GOLM2: variants seen among roughly 807,000 people sequenced by gnomAD.
The protein encoded by GOLM2 is protein GOLM2.
A neutral mutation model predicts 55.9 loss-of-function variants in GOLM2; 26 were observed. The observed-to-expected ratio is 0.47, with a 90% CI of 0.34 to 0.65. The LOEUF (loss-of-function observed/expected upper bound fraction) is 0.65. GOLM2 is among the 30% of genes least tolerant of loss of function. The probability of loss-of-function intolerance (pLI) is 0.01; values close to 1 mark genes in which losing one functional copy is unlikely to be tolerated. For missense variants in GOLM2, 486 were observed against 531.8 expected, an observed-to-expected ratio of 0.91 and a Z score of 0.85; for synonymous variants, 165 against 194.6, an observed-to-expected ratio of 0.85 and a Z score of 1.27.
chr15:44,370,618 G>A (rs144776064), intron 6 of GOLM2, among the ~76,000 whole-genome samples: 114 of 152,196 alleles, frequency 7.5e-4, no homozygotes, highest in African/African-American at 2.4e-3. Context: ...TCTGAATACC[G>A]AAGATGGTTG....
chr15:44,391,441 C>A (rs536120435), intron 8 of GOLM2, among the ~76,000 whole-genome samples: 2 of 151,168 alleles, frequency 1.3e-5, no homozygotes, highest in African/African-American at 4.9e-5. Context: ...GGCGTGAACC[C>A]GGGAGGTGGA....
intron 5 of GOLM2, 95 bp downstream of exon 5, chr15:44,338,002 T>C: frequency 7.8e-7 from 1 of 1,274,602 alleles, no homozygotes; most frequent in East Asian, 2.5e-5. Flanking sequence ...AAGAAAATTG[T>C]TTGATTTTAG....
intron 6 of GOLM2, among the ~76,000 whole-genome samples, chr15:44,345,386 G>A (rs982475064): frequency 6.6e-5 from 10 of 152,018 alleles, no homozygotes; most frequent in African/African-American, 2.4e-4. Flanking sequence ...CAGCCTCTGA[G>A]TAGCTGGGAC....
intron 2 of GOLM2, among the ~76,000 whole-genome samples, chr15:44,326,263 C>CAAA (rs569803247): frequency 3.3e-5 from 2 of 59,746 alleles, no homozygotes; most frequent in Admixed American, 1.9e-4. Context: ...GACTCTGTCT[C>CAAA]AAAAAAAAAA....
intron 6 of GOLM2, among the ~76,000 whole-genome samples, chr15:44,360,904 C>T (rs2079233014): frequency 6.6e-6 from 1 of 152,026 alleles, no homozygotes; most frequent in African/African-American, 2.4e-5. Flanking sequence ...GAAACTCACT[C>T]AAAACCGCTC....
chr15:44,302,506 T>C (rs2078805890), intron 1 of GOLM2, among the ~76,000 whole-genome samples: 1 of 150,952 alleles, frequency 6.6e-6, no homozygotes. Context: ...TCCTATTTTT[T>C]TTGAGATGGG....
intron 2 of GOLM2, among the ~76,000 whole-genome samples, chr15:44,324,754 T>TC (rs2078970616): frequency 6.6e-6 from 1 of 152,098 alleles, no homozygotes; most frequent in South Asian, 2.1e-4. Flanking sequence ...GAAGTAATTT[T>TC]CTTTTTTTTT....
At chr15:44,380,713 G>T in intron 7 of GOLM2, 93 bp from the exon 8 acceptor site, 14 of 761,004 alleles carry the variant, frequency 1.8e-5, no homozygotes, top group Non-Finnish European at 2.4e-5. Context: ...AAACAATAGT[G>T]TGTCTTAGCT....
At chr15:44,316,875 A>G (rs2078913737) in intron 1 of GOLM2, among the ~76,000 whole-genome samples, 1 of 152,036 alleles carries the variant, frequency 6.6e-6, no homozygotes, top group South Asian at 2.1e-4. Context: ...GGTCCCAGCT[A>G]CTCGGGAGGC....
At position 44,413,002 on chromosome 15, in the gene GOLM2, C is replaced by CA. The variant is rs773883653; in HGVS notation, c.1241-320dup. Among the ~76,000 whole-genome samples, 801 of 115,020 alleles carry CA rather than the reference C, an allele frequency of 7.0e-3. 2 individuals are homozygous for CA. The highest frequency in any genetic ancestry group is 0.016 in the East Asian group (65 of 3,940). The allele number at this position is 115,020 out of a possible 152,430, so 75.5% of individuals were successfully genotyped here. On this transcript the variant is annotated intron_variant, in intron 9 of 9. Coordinates refer to ENST00000299957, the MANE Select transcript of GOLM2 (RefSeq NM_138423.4). ...TAGGCAACGGAGTGAGAGTCGGTCTCAAAAAAAAAAAAAAGACTACATTTA... is the reference window on the plus strand; with the variant it reads ...TAGGCAACGGAGTGAGAGTCGGTCTCAAAAAAAAAAAAAAAGACTACATTTA...
At chr15:44,349,593 A>T (rs2079147956) in intron 6 of GOLM2, among the ~76,000 whole-genome samples, 1 of 152,022 alleles carries the variant, frequency 6.6e-6, no homozygotes, top group African/African-American at 2.4e-5. Flanking sequence ...CCAGACAGAA[A>T]ATCAACAAAG....
rs531133614 is a variant in GOLM2, at chr15:44,353,277, C to T, written c.802+14960C>T. 2.6e-5 allele frequency among the ~76,000 whole-genome samples: 4 copies of T among 152,304 alleles called. No individual in the cohort carries two copies. In the South Asian group the frequency reaches 8.3e-4, roughly 32 times the overall value. The stretch of plus-strand genomic sequence containing the variant: ...ATATGGAGAAAAGCGAACCCTCATA[C>T]ACCATTGGTGGGAATGTGAATTAGT... On this transcript the variant is annotated intron_variant, in intron 6 of 9. Transcript: ENST00000299957.
At chr15:44,383,847 T>A (rs2079421941) in intron 8 of GOLM2, among the ~76,000 whole-genome samples, 1 of 151,950 alleles carries the variant, frequency 6.6e-6, no homozygotes, top group East Asian at 1.9e-4. Context: ...TGGCTAATTT[T>A]TAAAATTTTT....
At chr15:44,378,894 C>T (rs1412819250) in intron 6 of GOLM2, among the ~76,000 whole-genome samples, 2 of 151,660 alleles carry the variant, frequency 1.3e-5, no homozygotes, top group African/African-American at 2.4e-5. Flanking sequence ...TATAGACACG[C>T]ACCACCACGC....
intron 1 of GOLM2, among the ~76,000 whole-genome samples, chr15:44,303,102 C>A (rs1356293094): frequency 6.8e-6 from 1 of 146,928 alleles, no homozygotes; most frequent in Non-Finnish European, 1.5e-5. Context: ...TACTCCATCT[C>A]AATAAATAAA....
At chr15:44,352,583 TA>T (rs982138159) in intron 6 of GOLM2, among the ~76,000 whole-genome samples, 1 of 151,812 alleles carries the variant, frequency 6.6e-6, no homozygotes, top group Non-Finnish European at 1.5e-5. Flanking sequence ...GACATCAAGT[TA>T]AAAAAGCTCT....
chr15:44,409,159 C>G (rs1028308398), intron 9 of GOLM2, among the ~76,000 whole-genome samples: 1 of 151,318 alleles, frequency 6.6e-6, no homozygotes, highest in African/African-American at 2.4e-5. Context: ...TGGCGGGCAC[C>G]CGTAGTCCCA....
At chr15:44,359,510 C>T (rs868414545) in intron 6 of GOLM2, among the ~76,000 whole-genome samples, 4 of 152,130 alleles carry the variant, frequency 2.6e-5, no homozygotes, top group Non-Finnish European at 5.9e-5. Context: ...ATGGGTTGAA[C>T]CCGGGAGGCA....
At chr15:44,313,010 C>T (rs940406912) in intron 1 of GOLM2, among the ~76,000 whole-genome samples, 15 of 151,566 alleles carry the variant, frequency 9.9e-5, no homozygotes, top group South Asian at 2.1e-4. Flanking sequence ...ACTCAGGAGG[C>T]GGAGGTTGTA....
Sources: gnomAD v4.1 joint callset for allele counts (sites outside exome capture counted in the v4.1 genomes callset) on GRCh38, gnomAD v4.1.1 for gene constraint, MANE v1.5 for transcripts, NCBI Gene and HGNC (gene_info 2026-07-23, HGNC 2026-07-21) for gene names.